The following CFAP299 variants were observed in gnomAD, a reference collection of about 807,000 sequenced individuals.
CFAP299 encodes the protein cilia- and flagella-associated protein 299.
A neutral mutation model predicts 27.0 loss-of-function variants in CFAP299; 21 were observed. That is an observed-to-expected ratio of 0.78 (90% confidence interval 0.55 to 1.12). CFAP299 has a LOEUF of 1.12. Among genes scored for constraint, CFAP299 ranks in the 50% most tolerant of loss-of-function variants. The probability of loss-of-function intolerance (pLI) is 0.00; values close to 1 mark genes in which losing one functional copy is unlikely to be tolerated. For missense variants in CFAP299, 310 were observed against 276.6 expected (o/e 1.12, Z -0.86); for synonymous variants, 104 against 98.1 (o/e 1.06, Z -0.36).
At chr4:80,573,449 A>G (rs1281899059) in intron 2 of CFAP299, among the ~76,000 whole-genome samples, 1 of 152,032 alleles carries the variant, frequency 6.6e-6, no homozygotes, top group Non-Finnish European at 1.5e-5. Context: ...TTTGTTGTGC[A>G]GAAGCTTTTT....
In CFAP299 at chr4:80,628,936, A is replaced by G. The variant is rs1351169888; in HGVS notation, c.333+45753A>G. The stretch of plus-strand genomic sequence containing the variant: ...TGTTCCTCAAAAAATTAAAAATAAA[A>G]CTGCCATATAATCCAGCAATCCCAC... On this transcript the variant is annotated intron_variant, in intron 3 of 5. Transcript: ENST00000358105. 2.0e-5 allele frequency among the ~76,000 whole-genome samples: 3 copies of G among 152,306 alleles called. No individual in the cohort carries two copies. The East Asian group carries it at 5.8e-4, about 29-fold the overall frequency.
intron 3 of CFAP299, among the ~76,000 whole-genome samples, chr4:80,787,999 T>C (rs1282570192): frequency 6.6e-6 from 1 of 151,928 alleles, no homozygotes; most frequent in Non-Finnish European, 1.5e-5. Context: ...GCACCAAAAT[T>C]ACTAAAATAC....
rs1279006360 is a variant in CFAP299, at chr4:80,778,454, A to G, written c.334-91539A>G. 6.6e-5 allele frequency among the ~76,000 whole-genome samples: 10 copies of G among 152,266 alleles called. 1 individual carries two copies. The South Asian group carries it at 1.7e-3, about 25-fold the overall frequency. On this transcript the variant is annotated intron_variant, in intron 3 of 5. Transcript: ENST00000358105. ...GCAGTGAACAAATTAGGTTTTTGTGATAGCCTTGGAATTTTAGAATCTTTC... is the reference window on the plus strand; with the variant it reads ...GCAGTGAACAAATTAGGTTTTTGTGGTAGCCTTGGAATTTTAGAATCTTTC...
rs141281760 is a variant in CFAP299 at position 80,709,877 on chromosome 4, T to C, written c.333+126694T>C. On this transcript the variant is annotated intron_variant, in intron 3 of 5. Coordinates refer to ENST00000358105, the MANE Select transcript of CFAP299 (RefSeq NM_152770.3). ...AGCTCTCATTTTCTTTAAAATTATT[T>C]TAACATAATACTTTTTAAAAAGTAA... is the stretch of plus-strand genomic sequence containing the variant. Among the ~76,000 whole-genome samples the C allele has an allele frequency of 7.1e-4, 108 of 152,268 alleles. 1 individual carries two copies. Among genetic ancestry groups the C allele is most frequent in the African/African-American group, 2.5e-3 (103 of 41,548 alleles).
intron 2 of CFAP299, among the ~76,000 whole-genome samples, chr4:80,545,111 G>T (rs1436891286): frequency 8.1e-6 from 1 of 123,342 alleles, no homozygotes; most frequent in Non-Finnish European, 1.6e-5. Context: ...ATGGGTTTTG[G>T]GTAAGAAAAT....
chr4:80,581,249 A>G (rs1736147035), intron 2 of CFAP299, among the ~76,000 whole-genome samples: 1 of 151,640 alleles, frequency 6.6e-6, no homozygotes. Context: ...AGCAACTGAC[A>G]AAATTACTTT....
intron 3 of CFAP299, among the ~76,000 whole-genome samples, chr4:80,821,430 C>T (rs924028096): frequency 3.9e-5 from 6 of 151,980 alleles, no homozygotes; most frequent in Admixed American, 6.6e-5. Context: ...TTTTGGAAAA[C>T]GAATTATACA....
chr4:80,843,154 A>C (rs1179992901), intron 3 of CFAP299, among the ~76,000 whole-genome samples: 5 of 151,996 alleles, frequency 3.3e-5, no homozygotes, highest in Non-Finnish European at 4.4e-5. Flanking sequence ...ATATGTATAC[A>C]TGTGCCATGT....
intron 2 of CFAP299, among the ~76,000 whole-genome samples, chr4:80,425,959 T>C (rs1231323438): frequency 2.0e-5 from 3 of 152,180 alleles, no homozygotes; most frequent in Non-Finnish European, 2.9e-5. Flanking sequence ...TATGCATATG[T>C]ATGTGTTTGA....
chr4:80,462,483 T>G (rs988790502), intron 2 of CFAP299, among the ~76,000 whole-genome samples: 1 of 152,198 alleles, frequency 6.6e-6, no homozygotes, highest in African/African-American at 2.4e-5. Flanking sequence ...CAGGTCTTTC[T>G]CTGACAAATA....
intron 1 of CFAP299, among the ~76,000 whole-genome samples, chr4:80,359,523 A>G (rs191100038): frequency 6.6e-6 from 1 of 151,808 alleles, no homozygotes; most frequent in African/African-American, 2.4e-5. Context: ...ATTCCTTTCC[A>G]TTCTTTTCTC....
intron 4 of CFAP299, among the ~76,000 whole-genome samples, chr4:80,887,659 A>T (rs1020041673): frequency 6.6e-6 from 1 of 152,208 alleles, no homozygotes; most frequent in African/African-American, 2.4e-5. Context: ...CACTGGTAAT[A>T]GTGAGCACAT....
chr4:80,717,915 G>A (rs17004983), intron 3 of CFAP299, among the ~76,000 whole-genome samples: 11,257 of 152,072 alleles, frequency 0.074, 845 homozygotes, highest in African/African-American at 0.19. Flanking sequence ...ATTGGTGACT[G>A]TAATTTTACA....
intron 2 of CFAP299, among the ~76,000 whole-genome samples, chr4:80,409,472 A>G (rs896622925): frequency 8.5e-5 from 13 of 152,172 alleles, no homozygotes; most frequent in Non-Finnish European, 1.6e-4. Flanking sequence ...TGTTGTTGCT[A>G]TTGTTTGCTC....
chr4:80,673,291 T>C (rs1231056493), intron 3 of CFAP299, among the ~76,000 whole-genome samples: 1 of 152,176 alleles, frequency 6.6e-6, no homozygotes, highest in African/African-American at 2.4e-5. Flanking sequence ...CAGGAGCAGG[T>C]TGTTCAGTTT....
intron 3 of CFAP299, among the ~76,000 whole-genome samples, chr4:80,799,020 C>T (rs1216662750): frequency 2.0e-5 from 3 of 148,770 alleles, no homozygotes; most frequent in East Asian, 3.9e-4. Flanking sequence ...TATTGTTTCT[C>T]TAGAACCACT....
At chr4:80,529,684 T>C (rs1015856754) in intron 2 of CFAP299, among the ~76,000 whole-genome samples, 1 of 152,160 alleles carries the variant, frequency 6.6e-6, no homozygotes, top group Non-Finnish European at 1.5e-5. Flanking sequence ...TCTATGTACA[T>C]AGGAAGAAGC....
At chr4:80,741,291 C>G (rs909384546) in intron 3 of CFAP299, among the ~76,000 whole-genome samples, 2 of 152,128 alleles carry the variant, frequency 1.3e-5, no homozygotes, top group Non-Finnish European at 2.9e-5. Context: ...CTCTGTCGCC[C>G]AGGCTGGAGT....
intron 2 of CFAP299, among the ~76,000 whole-genome samples, chr4:80,449,905 A>AT (rs1415186053): frequency 6.6e-6 from 1 of 152,098 alleles, no homozygotes; most frequent in African/African-American, 2.4e-5. Flanking sequence ...AAGTTATCTA[A>AT]TTCACAAGAT....
Sources: gnomAD v4.1 joint callset for allele counts (sites outside exome capture counted in the v4.1 genomes callset) on GRCh38, gnomAD v4.1.1 for gene constraint, MANE v1.5 for transcripts, NCBI Gene and HGNC (gene_info 2026-07-23, HGNC 2026-07-21) for gene names.